ERO1A: variants seen among roughly 807,000 people sequenced by gnomAD.
ERO1A encodes the protein ERO1-like protein alpha.
ERO1A carries 49 observed loss-of-function variants against 76.9 expected under a neutral mutation model. The observed-to-expected ratio is 0.64, with a 90% CI of 0.51 to 0.81. The LOEUF is 0.81. Among genes scored for constraint, ERO1A ranks in the 30% least tolerant of loss-of-function variants. The pLI is 0.00. For synonymous variants in ERO1A, 174 were observed against 181.2 expected (o/e 0.96, Z 0.32); for missense variants, 448 against 542.1 (o/e 0.83, Z 1.72).
intron 7 of ERO1A, among the ~76,000 whole-genome samples, chr14:52,664,700 C>CT (rs1180129068): frequency 1.9e-4 from 28 of 151,150 alleles, no homozygotes; most frequent in East Asian, 2.0e-4. Flanking sequence ...CAGAGTCATT[C>CT]TTTTTTTTTG....
chr14:52,680,082 C>CAAAAAA (rs35358193), intron 3 of ERO1A, among the ~76,000 whole-genome samples: 89 of 90,736 alleles, frequency 9.8e-4, no homozygotes, highest in African/African-American at 1.4e-3. Flanking sequence ...AAAACACAAA[C>CAAAAAA]AAAAAAAAAA....
At chr14:52,684,117 TGA>T (rs2041093607) in intron 1 of ERO1A, among the ~76,000 whole-genome samples, 2 of 78,134 alleles carry the variant, frequency 2.6e-5, no homozygotes, top group Non-Finnish European at 5.0e-5. Context: ...GCAGAGCTCA[TGA>T]CACACACACA....
At chr14:52,675,507 GTTAT>G (rs2040755311) in intron 4 of ERO1A, among the ~76,000 whole-genome samples, 1 of 152,020 alleles carries the variant, frequency 6.6e-6, no homozygotes, top group African/African-American at 2.4e-5. Context: ...TAATTTAAAA[GTTAT>G]TTAGTCTAAA....
intron 8 of ERO1A, 26 bp from the exon 9 acceptor site, chr14:52,661,330 T>C: frequency 7.1e-7 from 1 of 1,415,628 alleles, no homozygotes; most frequent in African/African-American, 1.5e-5. Context: ...AAATGTTTAT[T>C]AAAATAAATT....
intron 13 of ERO1A, among the ~76,000 whole-genome samples, chr14:52,647,994 T>C (rs1302990906): frequency 6.6e-6 from 1 of 152,208 alleles, no homozygotes; most frequent in Non-Finnish European, 1.5e-5. Flanking sequence ...CAATTTGCTC[T>C]GGAGACAGAC....
intron 6 of ERO1A, 78 bp from the exon 7 acceptor site, chr14:52,666,573 T>C: frequency 3.1e-6 from 4 of 1,284,478 alleles, no homozygotes; most frequent in Non-Finnish European, 4.3e-6. Flanking sequence ...CTGTATTCCA[T>C]TGATTCTAAC....
At position 52,683,850 on chromosome 14, in the gene ERO1A, T is replaced by TAG; in HGVS notation, c.171_172insCT (p.Asn58LeufsTer23). ...TGTAGTCTTGGGAAAAGCCTGTAGT[T>TAG]ATTAAATCTATCAATGGTTTCAACA... On this transcript the variant is annotated frameshift_variant, in exon 2 of 16. Coordinates refer to ENST00000395686, the MANE Select transcript of ERO1A (RefSeq NM_014584.3). LOFTEE classifies it high-confidence loss of function. 1 of 1,584,736 alleles carries TAG rather than the reference T, an allele frequency of 6.3e-7. No individual in the cohort carries two copies. The highest frequency in any genetic ancestry group is 8.6e-7 in the Non-Finnish European group (1 of 1,157,928).
intron 11 of ERO1A, 35 bp downstream of exon 11, chr14:52,657,882 G>C (rs749736521): frequency 5.7e-6 from 8 of 1,395,276 alleles, no homozygotes; most frequent in Non-Finnish European, 7.9e-6. Flanking sequence ...CTAAAATTAA[G>C]AGTGGTAGAC....
intron 6 of ERO1A, among the ~76,000 whole-genome samples, chr14:52,671,127 T>A (rs140246183): frequency 6.6e-6 from 1 of 152,372 alleles, no homozygotes; most frequent in East Asian, 1.9e-4. Context: ...CTATTTCACT[T>A]AGCATGTTGT....
intron 4 of ERO1A, 79 bp from the exon 5 acceptor site, chr14:52,671,950 G>C: frequency 1.0e-6 from 1 of 984,304 alleles, no homozygotes; most frequent in South Asian, 1.6e-5. Flanking sequence ...GTTATCTGAA[G>C]CTCTTTTTAT....
intron 1 of ERO1A, among the ~76,000 whole-genome samples, chr14:52,692,694 G>A (rs1377124664): frequency 6.6e-6 from 1 of 152,088 alleles, no homozygotes; most frequent in East Asian, 1.9e-4. Flanking sequence ...AGCTCTTCAG[G>A]GCAGGGATAA....
chr14:52,686,180 G>A (rs368562676), intron 1 of ERO1A, among the ~76,000 whole-genome samples: 5 of 152,122 alleles, frequency 3.3e-5, no homozygotes, highest in Admixed American at 3.3e-4. Flanking sequence ...CCACTGCACT[G>A]CACTCCAGCC....
chr14:52,676,595 T>G (rs898715070), intron 4 of ERO1A, among the ~76,000 whole-genome samples: 3 of 152,222 alleles, frequency 2.0e-5, no homozygotes, highest in Non-Finnish European at 4.4e-5. Flanking sequence ...CCTAGTATAC[T>G]GTGCTTGAGA....
chr14:52,657,882 G>A (rs749736521), intron 11 of ERO1A, 35 bp downstream of exon 11: 1 of 1,395,396 alleles, frequency 7.2e-7, no homozygotes, highest in Non-Finnish European at 9.9e-7. Flanking sequence ...CTAAAATTAA[G>A]AGTGGTAGAC....
chr14:52,689,903 C>A (rs2041298973), intron 1 of ERO1A, among the ~76,000 whole-genome samples: 2 of 152,164 alleles, frequency 1.3e-5, no homozygotes, highest in Non-Finnish European at 1.5e-5. Flanking sequence ...ACAGTCATCA[C>A]AACAGTGTTG....
At chr14:52,677,994 G>A (rs971214547) in intron 4 of ERO1A, among the ~76,000 whole-genome samples, 36 of 151,750 alleles carry the variant, frequency 2.4e-4, no homozygotes, top group African/African-American at 8.2e-4. Flanking sequence ...GGCCGGACGC[G>A]GTGGCTCACG....
intron 1 of ERO1A, among the ~76,000 whole-genome samples, chr14:52,690,860 C>T (rs892873175): frequency 6.6e-6 from 1 of 152,156 alleles, no homozygotes; most frequent in Non-Finnish European, 1.5e-5. Context: ...CTCTGCCTCC[C>T]GGATTCAAGC....
chr14:52,658,431 A>G (rs970524345), intron 9 of ERO1A: 1 of 286,640 alleles, frequency 3.5e-6, no homozygotes. Context: ...GGAGGTCAAA[A>G]TACAGAATTT....
In ERO1A at chr14:52,666,455, A is replaced by G. The variant is rs146946197; in HGVS notation, c.549T>C (p.Leu183=). 5.3e-5 allele frequency: 85 copies of G among 1,610,662 alleles called. No homozygotes were observed. The highest frequency in any genetic ancestry group is 4.5e-5 in the East Asian group (2 of 44,842). The change falls in exon 7 of 16, where the codon CTT becomes CTC. Residue 183 remains leucine (L), a synonymous_variant. Transcript: ENST00000395686. ...SPEAEYVDLL[L]NPERYTGYKG... is the part of the protein sequence containing the mutation. ...TGTAACCAGTGTAGCGCTCAGGATT[A>G]AGAAGCAAATCTACATATTCAGCTT...
Sources: allele counts gnomAD v4.1 joint callset (sites outside exome capture counted in the v4.1 genomes callset), GRCh38; gene constraint gnomAD v4.1.1; transcripts MANE v1.5; gene names NCBI Gene and HGNC (gene_info 2026-07-23, HGNC 2026-07-21).